Variants in HERC2 observed in about 807,000 individuals in gnomAD.
HERC2 encodes E3 ubiquitin-protein ligase HERC2.
In HERC2, 102 loss-of-function variants were observed where a neutral mutation model predicts 537.7. The ratio of observed to expected loss-of-function variants is 0.19; its 90% CI spans 0.16 to 0.22. The LOEUF (loss-of-function observed/expected upper bound fraction) is 0.22, where lower values mean the gene tolerates loss of function less well. HERC2 is among the 10% of genes least tolerant of loss of function. HERC2 has a pLI of 1.00. For synonymous variants in HERC2, 2,224 were observed against 2,466.2 expected, an observed-to-expected ratio of 0.90 and a Z score of 2.91; for missense variants, 4,236 against 6,198.2, an observed-to-expected ratio of 0.68 and a Z score of 10.63.
At chr15:28,276,962 C>T (rs1242489108) in intron 5 of HERC2, among the ~76,000 whole-genome samples, 1 of 152,002 alleles carries the variant, frequency 6.6e-6, no homozygotes, top group Non-Finnish European at 1.5e-5. Context: ...GTAGTCCCAG[C>T]TACTCAGGAA....
intron 4 of HERC2, among the ~76,000 whole-genome samples, chr15:28,287,008 T>C (rs1189558855): frequency 6.6e-6 from 1 of 152,168 alleles, no homozygotes; most frequent in Non-Finnish European, 1.5e-5. Context: ...CGTGGGATAA[T>C]GCCAGCGGCA....
intron 65 of HERC2, among the ~76,000 whole-genome samples, chr15:28,170,001 A>G (rs1209869272): frequency 6.6e-6 from 1 of 152,226 alleles, no homozygotes; most frequent in Non-Finnish European, 1.5e-5. Flanking sequence ...AAAAAAGAAT[A>G]CAAAACAACA....
At chr15:28,271,342 G>A (rs1261619725) in intron 9 of HERC2, among the ~76,000 whole-genome samples, 1 of 152,336 alleles carries the variant, frequency 6.6e-6, no homozygotes, top group South Asian at 2.1e-4. Context: ...AAAGGCAGAA[G>A]AGCCCTATTA....
chr15:28,160,877 C>T (rs1447723688), intron 69 of HERC2, among the ~76,000 whole-genome samples: 1 of 152,148 alleles, frequency 6.6e-6, no homozygotes, highest in South Asian at 2.1e-4. Flanking sequence ...CTTGGCACCG[C>T]CCCCCGCTCA....
chr15:28,265,245 G>A lies in HERC2; in HGVS notation c.1870+373C>T, dbSNP rs75738011. Among the ~76,000 whole-genome samples, 1,300 of 152,210 alleles carry A rather than the reference G, an allele frequency of 8.5e-3. 21 individuals carry two copies. Among genetic ancestry groups the A allele is most frequent in the Middle Eastern group, 0.061 (18 of 294 alleles). Reference sequence around the variant, plus strand: ...CCAAAATTCAAAGCAAGCAGATACCGTAGCATCAGACTACAGAACACAGAA... The same window carrying A: ...CCAAAATTCAAAGCAAGCAGATACCATAGCATCAGACTACAGAACACAGAA... On this transcript the variant is annotated intron_variant, in intron 14 of 92. Transcript: ENST00000261609. This position sits in a 1 kb window ranked among gnomAD's most constrained non-coding sequence, Gnocchi z 4.0.
In HERC2 at chr15:28,113,957, G is replaced by A. The variant is rs1342635051; in HGVS notation, c.13914-279C>T. ...TCTCAGTACCCACAGGACACCCCAG[G>A]AGAAGCCAGCACCAAGAGGGGAAAC... On this transcript the variant is annotated intron_variant, in intron 90 of 92. Coordinates refer to ENST00000261609, the MANE Select transcript of HERC2 (RefSeq NM_004667.6). The surrounding 1 kb of genome is among the most constrained non-coding windows in gnomAD (Gnocchi z 7.0). Among the ~76,000 whole-genome samples the A allele has an allele frequency of 1.3e-5, 2 of 152,162 alleles. No homozygotes were observed. Among genetic ancestry groups the A allele is most frequent in the Non-Finnish European group, 1.5e-5 (1 of 68,032 alleles).
chr15:28,214,976 C>T (rs973633907), intron 39 of HERC2, among the ~76,000 whole-genome samples, 174 bp from the exon 40 acceptor site: 27 of 152,256 alleles, frequency 1.8e-4, no homozygotes, highest in African/African-American at 5.8e-4. Flanking sequence ...CAGGTTCAAA[C>T]GATTCTCCTT....
intron 81 of HERC2, 93 bp from the exon 82 acceptor site, chr15:28,130,687 T>A: frequency 1.1e-6 from 1 of 898,262 alleles, no homozygotes. Flanking sequence ...CTAGTAAGAA[T>A]TCTGAAAACT....
intron 2 of HERC2, chr15:28,315,988 TTCTGGAC>T (rs2077072100): frequency 2.7e-6 from 1 of 368,884 alleles, no homozygotes; most frequent in South Asian, 2.2e-5. Context: ...ACCTGTGACA[TTCTGGAC>T]TATTTCTGTG....
chr15:28,276,184 TCAAAAAAC>T (rs2075867618), intron 5 of HERC2, among the ~76,000 whole-genome samples: 1 of 59,316 alleles, frequency 1.7e-5, no homozygotes, highest in African/African-American at 8.1e-5. Context: ...AGACTCCATC[TCAAAAAAC>T]AAAAAAAAAA....
At position 28,248,742 on chromosome 15, in the gene HERC2, C is replaced by T; in HGVS notation, c.3051-6G>A. 1 of 1,607,834 alleles carries T rather than the reference C, an allele frequency of 6.2e-7. No individual in the cohort carries two copies. Among genetic ancestry groups the T allele is most frequent in the South Asian group, 1.1e-5 (1 of 90,644 alleles). ...CAGTCTGAGAAGCAATGTTTCTATA[C>T]AGGAAAGAAGAGGATTACAAAATTA... On this transcript the variant is annotated splice_region_variant and splice_polypyrimidine_tract_variant and intron_variant, in intron 20 of 92. Transcript: ENST00000261609.
chr15:28,160,072 C>T (rs1221573420), intron 69 of HERC2, among the ~76,000 whole-genome samples: 1 of 152,230 alleles, frequency 6.6e-6, no homozygotes, highest in Non-Finnish European at 1.5e-5. Context: ...GCAAATGTTG[C>T]TGTCTGATCG....
chr15:28,142,470 C>T (rs528854635), intron 75 of HERC2, 77 bp from the exon 76 acceptor site: 38 of 1,414,160 alleles, frequency 2.7e-5, no homozygotes, highest in South Asian at 1.6e-4. Flanking sequence ...TGGCTCCTTC[C>T]GCAGGACCTC....
intron 37 of HERC2, 101 bp downstream of exon 37, chr15:28,220,351 G>A (rs548034398): frequency 3.0e-5 from 32 of 1,055,814 alleles, no homozygotes; most frequent in South Asian, 9.1e-5. Context: ...CTGCAGGTGC[G>A]TCCTGACATC....
In HERC2 at chr15:28,254,361, T is replaced by C; in HGVS notation, c.3029A>G (p.Gln1010Arg). ...SSGKQCLPLVQLIQQLLRNIA... is the reference protein window; with the variant it reads ...SSGKQCLPLVRLIQQLLRNIA... ...TTACCTAAGAAGCTGTTGTATGAGCTGAACCAGAGGCAAACACTGTTTGCC... is the reference window on the plus strand; with the variant it reads ...TTACCTAAGAAGCTGTTGTATGAGCCGAACCAGAGGCAAACACTGTTTGCC... Residue 1010 changes from glutamine (Q) to arginine (R), a missense_variant, in exon 20 of 93, where the codon CAG (glutamine) becomes CGG (arginine). This residue lies in a region of HERC2 where 754 missense variants were observed against 1,085.0 expected (regional missense o/e 0.69). Coordinates refer to ENST00000261609, the MANE Select transcript of HERC2 (RefSeq NM_004667.6). The C allele has an allele frequency of 6.2e-7, 1 of 1,602,584 alleles. No homozygotes were observed. Among genetic ancestry groups the C allele is most frequent in the Non-Finnish European group, 8.5e-7 (1 of 1,175,634 alleles).
At chr15:28,145,392 A>G (rs1309496517) in intron 71 of HERC2, among the ~76,000 whole-genome samples, 1 of 152,206 alleles carries the variant, frequency 6.6e-6, no homozygotes. Flanking sequence ...CTTCAGAAGG[A>G]CCATCTGCCA....
chr15:28,156,981 C>G (rs1893076944), intron 69 of HERC2, among the ~76,000 whole-genome samples: 3 of 152,134 alleles, frequency 2.0e-5, no homozygotes, highest in Non-Finnish European at 2.9e-5. Context: ...TTGTCAAAGG[C>G]CTTTTCTGCA....
chr15:28,260,345 G>C lies in HERC2; in HGVS notation c.2316+432C>G, dbSNP rs573790527. 4.3e-4 allele frequency among the ~76,000 whole-genome samples: 65 copies of C among 152,176 alleles called. 1 individual carries two copies. The highest frequency in any genetic ancestry group is 1.5e-3 in the African/African-American group (63 of 41,500). On this transcript the variant is annotated intron_variant, in intron 16 of 92. Coordinates refer to ENST00000261609, the MANE Select transcript of HERC2 (RefSeq NM_004667.6). Reference sequence around the variant, plus strand: ...AGGATTTTTTAGAAGCTTCTAAAACGGGGAATTAAAGACACTCCCTTAATC... The same window carrying C: ...AGGATTTTTTAGAAGCTTCTAAAACCGGGAATTAAAGACACTCCCTTAATC...
At chr15:28,222,392 CGGAA>C (rs1900613996) in intron 35 of HERC2, among the ~76,000 whole-genome samples, 177 bp from the exon 36 acceptor site, 1 of 151,270 alleles carries the variant, frequency 6.6e-6, no homozygotes, top group South Asian at 2.1e-4. Context: ...AGAAGATAAA[CGGAA>C]GGATGAAATA....
Sources: gnomAD v4.1 joint callset for allele counts (sites outside exome capture counted in the v4.1 genomes callset) on GRCh38, gnomAD v4.1.1 for gene constraint, gnomAD v4.1.1 regional missense constraint, Gnocchi (gnomAD v3.1) non-coding constraint, MANE v1.5 for transcripts, NCBI Gene and HGNC (gene_info 2026-07-23, HGNC 2026-07-21) for gene names.